The following UNC5C variants were observed in gnomAD, a reference collection of about 807,000 sequenced individuals.
UNC5C encodes unc-5 netrin receptor C, also known as netrin receptor UNC5C.
UNC5C carries 47 observed loss-of-function variants against 99.8 expected under a neutral mutation model. The ratio of observed to expected loss-of-function variants is 0.47; its 90% confidence interval spans 0.37 to 0.60. The LOEUF (loss-of-function observed/expected upper bound fraction) is 0.60, where lower values mean the gene tolerates loss of function less well. Among genes scored for constraint, UNC5C ranks in the 20% least tolerant of loss-of-function variants. The probability of loss-of-function intolerance (pLI) is 0.00; values close to 1 mark genes in which losing one functional copy is unlikely to be tolerated. For missense variants in UNC5C, 1,062 were observed against 1,165.9 expected, an observed-to-expected ratio of 0.91 and a Z score of 1.30; for synonymous variants, 487 against 452.2, an observed-to-expected ratio of 1.08 and a Z score of -0.98.
intron 1 of UNC5C, among the ~76,000 whole-genome samples, chr4:95,521,393 T>C (rs1487257871): frequency 6.6e-6 from 1 of 151,762 alleles, no homozygotes; most frequent in African/African-American, 2.4e-5. Context: ...TAATTTTGTA[T>C]TTTTAGTAGA....
chr4:95,508,721 A>C (rs1485828089), intron 1 of UNC5C, among the ~76,000 whole-genome samples: 3 of 151,944 alleles, frequency 2.0e-5, no homozygotes, highest in Non-Finnish European at 4.4e-5. Context: ...AAGTTTCTAG[A>C]AAAAGGAATC....
At chr4:95,225,639 T>TA (rs1173002407) in intron 7 of UNC5C, among the ~76,000 whole-genome samples, 2 of 152,054 alleles carry the variant, frequency 1.3e-5, no homozygotes, top group East Asian at 3.9e-4. Context: ...ATTTAATATT[T>TA]AAAAAATTTT....
chr4:95,192,566 C>G (rs556579318), intron 12 of UNC5C, among the ~76,000 whole-genome samples: 1 of 147,464 alleles, frequency 6.8e-6, no homozygotes, highest in Non-Finnish European at 1.5e-5. Context: ...CTGCTTACCT[C>G]TTCCCCTGCT....
At chr4:95,178,187 T>TTAGA (rs1302179677) in intron 14 of UNC5C, among the ~76,000 whole-genome samples, 1 of 152,240 alleles carries the variant, frequency 6.6e-6, no homozygotes, top group Non-Finnish European at 1.5e-5. Context: ...CATAGGCTCC[T>TTAGA]TAGAGTCTGA....
intron 1 of UNC5C, among the ~76,000 whole-genome samples, chr4:95,480,331 A>C: frequency 6.6e-6 from 1 of 152,050 alleles, no homozygotes; most frequent in South Asian, 2.1e-4. Flanking sequence ...CTCTGGAGAA[A>C]GATGACTAAT....
At chr4:95,318,990 G>A (rs1351769) in intron 2 of UNC5C, among the ~76,000 whole-genome samples, 60,096 of 151,962 alleles carry the variant, frequency 0.4, 13,633 homozygotes, top group East Asian at 0.83. Flanking sequence ...CCTCTCTTTC[G>A]CTCCCTCCAG....
At chr4:95,500,146 C>T (rs1160049285) in intron 1 of UNC5C, among the ~76,000 whole-genome samples, 3 of 152,058 alleles carry the variant, frequency 2.0e-5, no homozygotes, top group African/African-American at 4.8e-5. Flanking sequence ...ACCCAGTTCA[C>T]AGAAGTGCTG....
chr4:95,424,295 A>G (rs1422843079), intron 1 of UNC5C, among the ~76,000 whole-genome samples: 1 of 151,960 alleles, frequency 6.6e-6, no homozygotes, highest in African/African-American at 2.4e-5. Flanking sequence ...TACACACGGA[A>G]GCCAAAATTG....
intron 2 of UNC5C, among the ~76,000 whole-genome samples, chr4:95,331,799 G>A (rs536565422): frequency 8.5e-5 from 13 of 152,214 alleles, no homozygotes; most frequent in Admixed American, 1.3e-4. Context: ...GTATATGTGT[G>A]TGTGGGTGTG....
At chr4:95,444,699 A>T (rs1747046632) in intron 1 of UNC5C, among the ~76,000 whole-genome samples, 1 of 152,184 alleles carries the variant, frequency 6.6e-6, no homozygotes. Context: ...CGTAGGTACA[A>T]CACAGTAAAA....
At chr4:95,391,129 C>T (rs530223432) in intron 1 of UNC5C, among the ~76,000 whole-genome samples, 7 of 152,324 alleles carry the variant, frequency 4.6e-5, no homozygotes, top group Non-Finnish European at 1.0e-4. Flanking sequence ...GCTCCTTCTT[C>T]ACCTTCTGCC....
chr4:95,541,017 G>C (rs914744105), intron 1 of UNC5C, among the ~76,000 whole-genome samples: 3 of 152,094 alleles, frequency 2.0e-5, no homozygotes, highest in Non-Finnish European at 4.4e-5. Context: ...ATTCCAAAAA[G>C]ATATTAGAAT....
intron 11 of UNC5C, among the ~76,000 whole-genome samples, chr4:95,205,682 G>A (rs537799752): frequency 6.7e-6 from 1 of 150,180 alleles, no homozygotes. Flanking sequence ...TAAATGTATA[G>A]TATAGTTTTA....
chr4:95,222,219 C>A, intron 7 of UNC5C: 1 of 1,496,804 alleles, frequency 6.7e-7, no homozygotes, highest in Non-Finnish European at 8.8e-7. Context: ...CAAGAAAATC[C>A]ATATTCATTC....
chr4:95,546,062 G>GAT (rs1166370946), intron 1 of UNC5C, among the ~76,000 whole-genome samples: 8 of 152,176 alleles, frequency 5.3e-5, no homozygotes, highest in Non-Finnish European at 8.8e-5. Flanking sequence ...TATCTCTGAA[G>GAT]ATATATATAC....
intron 1 of UNC5C, among the ~76,000 whole-genome samples, chr4:95,471,424 G>C (rs1234912240): frequency 4.6e-5 from 7 of 151,978 alleles, no homozygotes; most frequent in Admixed American, 4.6e-4. Flanking sequence ...GGATTTCCTG[G>C]GTAAAAGAAT....
intron 14 of UNC5C, among the ~76,000 whole-genome samples, chr4:95,181,996 C>G (rs563915888): frequency 1.3e-5 from 2 of 152,178 alleles, no homozygotes; most frequent in Non-Finnish European, 2.9e-5. Context: ...TGGCTTAGCA[C>G]GCAGCACAGG....
chr4:95,320,078 A>G (rs1000414982), intron 2 of UNC5C, among the ~76,000 whole-genome samples: 2 of 152,178 alleles, frequency 1.3e-5, no homozygotes, highest in Non-Finnish European at 2.9e-5. Flanking sequence ...TTTTAAAATG[A>G]TGCTTAATCT....
At chr4:95,238,518 T>C (rs559069930) in intron 7 of UNC5C, among the ~76,000 whole-genome samples, 94 of 152,278 alleles carry the variant, frequency 6.2e-4, no homozygotes, top group African/African-American at 2.1e-3. Context: ...TCCATCTTAT[T>C]TTCAGCTTCT....
Sources: allele counts gnomAD v4.1 joint callset (sites outside exome capture counted in the v4.1 genomes callset), GRCh38; gene constraint gnomAD v4.1.1; transcripts MANE v1.5; gene names NCBI Gene and HGNC (gene_info 2026-07-23, HGNC 2026-07-21).